The following CEP295 variants were observed in gnomAD, a reference collection of about 807,000 sequenced individuals.
CEP295 encodes the protein centrosomal protein of 295 kDa.
A neutral mutation model predicts 291.6 loss-of-function variants in CEP295; 190 were observed. The ratio of observed to expected loss-of-function variants is 0.65; its 90% CI spans 0.58 to 0.73. CEP295 has a LOEUF of 0.73. Ranked by LOEUF, CEP295 falls within the 30% of genes least tolerant of loss-of-function variation. CEP295 has a pLI of 0.00. For synonymous variants in CEP295, 993 were observed against 1,038.8 expected, an observed-to-expected ratio of 0.96 and a Z score of 0.85; for missense variants, 2,863 against 2,949.4, an observed-to-expected ratio of 0.97 and a Z score of 0.68.
chr11:93,691,646 T>G, intron 10 of CEP295, 37 bp from the exon 11 acceptor site: 2 of 1,304,854 alleles, frequency 1.5e-6, no homozygotes, highest in Middle Eastern at 2.4e-4. Context: ...TGACAATGAT[T>G]ATATATTCAA....
intron 5 of CEP295, among the ~76,000 whole-genome samples, chr11:93,673,049 A>G (rs1950524609): frequency 6.6e-6 from 1 of 152,170 alleles, no homozygotes. Context: ...TTTTCAAGGC[A>G]TTGATTTAAA....
At chr11:93,706,940 G>A (rs1439829244) in intron 18 of CEP295, 43 bp downstream of exon 18, 2 of 1,411,438 alleles carry the variant, frequency 1.4e-6, no homozygotes, top group South Asian at 2.9e-5. Flanking sequence ...ACAAGGATAT[G>A]TGGACAAAAG....
At chr11:93,689,647 T>G (rs1951418810) in intron 10 of CEP295, among the ~76,000 whole-genome samples, 1 of 152,110 alleles carries the variant, frequency 6.6e-6, no homozygotes, top group South Asian at 2.1e-4. Context: ...CTATCCCCTT[T>G]ACCCTGCTTT....
rs138290835 is a variant in CEP295 at position 93,688,593 on chromosome 11, C to T, written c.1336+728C>T. ...ACCTTCACTTGGTTTTCGTACTTTA[C>T]TATTTTCTCTTGCATTTTCTTCGCT... On this transcript the variant is annotated intron_variant, in intron 10 of 29. Coordinates refer to ENST00000325212, the MANE Select transcript of CEP295 (RefSeq NM_033395.2). Among the ~76,000 whole-genome samples, 125 of 152,152 alleles carry T rather than the reference C, an allele frequency of 8.2e-4. 2 individuals are homozygous for T. The East Asian group carries it at 0.017, about 21-fold the overall frequency.
chr11:93,721,347 G>A lies in CEP295; in HGVS notation c.5785G>A (p.Val1929Met), dbSNP rs963450654. ...GGAATCTGTTGTTGAAAATCATGCA[G>A]TGTTAAGTTATGCTGTGGAGGAAGA... is the stretch of plus-strand genomic sequence containing the variant. ...LKESVVENHA[V>M]LSYAVEEEHA... The change falls in exon 19 of 30, where the codon GTG (valine) becomes ATG (methionine). Residue 1929 changes from valine (V) to methionine (M), a missense_variant. By Grantham distance (21) the Val-to-Met change is conservative. Around this residue, in one of 3 missense-constraint regions of CEP295, gnomAD observed 2,295 missense variants for 2,335.7 expected, o/e 0.98. Coordinates refer to ENST00000325212, the MANE Select transcript of CEP295 (RefSeq NM_033395.2). 2.6e-6 allele frequency: 4 copies of A among 1,557,596 alleles called. No homozygotes were observed. The Admixed American group carries it at 5.8e-5, about 23-fold the overall frequency.
Position 93,698,054 on chromosome 11 carries a change from C to T in CEP295, c.3142C>T (p.Gln1048Ter), listed in dbSNP as rs1371787813. 6.4e-7 allele frequency: 1 copy of T among 1,551,752 alleles called. No homozygotes were observed. Among genetic ancestry groups the T allele is most frequent in the African/African-American group, 1.4e-5 (1 of 73,054 alleles). Residue 1048 changes from glutamine (Q) to a stop codon, truncating the protein, a stop_gained, in exon 15 of 30, where the codon CAG (glutamine) becomes TAG (stop). Transcript: ENST00000325212. LOFTEE classifies it high-confidence loss of function. The stretch of plus-strand genomic sequence containing the variant: ...TCAGGATGGGTCTTTGAGTTTCCTA[C>T]AGCAGTTCCTACCTCTACATGATAG... The part of the protein sequence containing the change: ...ISQDGSLSFL[Q>*]QFLPLHDSLK...
Position 93,697,440 on chromosome 11 carries a change from A to T in CEP295, c.2528A>T (p.Gln843Leu), listed in dbSNP as rs763984852. The change falls in exon 15 of 30, where the codon CAG (glutamine) becomes CTG (leucine). Residue 843 changes from glutamine to leucine, a missense_variant. Gln to Leu is a moderately radical substitution (Grantham distance 113, BLOSUM62 -2). Coordinates refer to ENST00000325212, the MANE Select transcript of CEP295 (RefSeq NM_033395.2). Reference protein sequence around the residue: ...PLLPSENITAQQGNMKALQEQ... With the variant: ...PLLPSENITALQGNMKALQEQ... ...CTGCCGTCAGAGAATATCACAGCCC[A>T]GCAAGGTAATATGAAGGCCCTCCAA... The T allele has an allele frequency of 2.4e-5, 38 of 1,552,140 alleles. No individual in the cohort carries two copies. In the South Asian group the frequency reaches 3.4e-4, roughly 14 times the overall value.
intron 7 of CEP295, among the ~76,000 whole-genome samples, chr11:93,682,270 G>A (rs1032735050): frequency 7.2e-5 from 11 of 151,852 alleles, no homozygotes; most frequent in East Asian, 5.8e-4. Flanking sequence ...GTTGCCCAGG[G>A]TAGAGTTCAG....
At chr11:93,725,418 G>A (rs1246754416) in intron 22 of CEP295, among the ~76,000 whole-genome samples, 2 of 152,130 alleles carry the variant, frequency 1.3e-5, no homozygotes, top group African/African-American at 4.8e-5. Context: ...CTCCTACACA[G>A]TCAAAGGAGC....
At chr11:93,706,648 T>C (rs1222969395) in intron 17 of CEP295, 97 bp from the exon 18 acceptor site, 4 of 1,058,960 alleles carry the variant, frequency 3.8e-6, no homozygotes, top group Admixed American at 3.1e-5. Context: ...AGTAAGTCTT[T>C]AAGAGCTTAG....
Position 93,664,659 on chromosome 11 carries a change from G to A in CEP295, c.-26-2023G>A, listed in dbSNP as rs138580593. Among the ~76,000 whole-genome samples the A allele has an allele frequency of 2.5e-3, 383 of 152,242 alleles. 3 individuals carry two copies. The highest frequency in any genetic ancestry group is 0.017 in the Middle Eastern group (5 of 292). On this transcript the variant is annotated intron_variant, in intron 1 of 29. Coordinates refer to ENST00000325212, the MANE Select transcript of CEP295 (RefSeq NM_033395.2). ...CTTACTGAAGTAACTACCTATGGGC[G>A]AGACACTGTTTTCAGGCTATGGACA...
intron 9 of CEP295, among the ~76,000 whole-genome samples, chr11:93,687,435 T>G (rs1951298266): frequency 6.6e-6 from 1 of 152,212 alleles, no homozygotes; most frequent in Non-Finnish European, 1.5e-5. Context: ...TTTTGGCACT[T>G]TTACTATTTT....
At chr11:93,675,547 A>G in intron 5 of CEP295, 24 bp from the exon 6 acceptor site, 1 of 1,304,468 alleles carries the variant, frequency 7.7e-7, no homozygotes, top group Non-Finnish European at 1.0e-6. Flanking sequence ...CTTTTAACCT[A>G]TTTTTTTATG....
In CEP295 at chr11:93,725,530, T is replaced by C. The variant is rs1954078611; in HGVS notation, c.6319-121T>C. ...AAAGAACTGGATTTGAAAAAGCAAA[T>C]CATTGCTGTCATAGTGAAGTGATAA... On this transcript the variant is annotated intron_variant, in intron 22 of 29. Coordinates refer to ENST00000325212, the MANE Select transcript of CEP295 (RefSeq NM_033395.2). 5 of 802,502 alleles carry C rather than the reference T, an allele frequency of 6.2e-6. No homozygotes were observed. The Admixed American group carries it at 1.4e-4, about 23-fold the overall frequency. 49.7% of individuals were successfully genotyped at this position (802,502 alleles called of 1,614,324 possible).
intron 18 of CEP295, among the ~76,000 whole-genome samples, chr11:93,718,037 G>A (rs530773851): frequency 1.3e-5 from 2 of 152,056 alleles, no homozygotes; most frequent in East Asian, 1.9e-4. Context: ...TCAGCCTCCC[G>A]AGTAGCTAGG....
intron 18 of CEP295, among the ~76,000 whole-genome samples, chr11:93,708,805 T>G (rs1231112709): frequency 6.6e-6 from 1 of 152,216 alleles, no homozygotes; most frequent in African/African-American, 2.4e-5. Flanking sequence ...TTGCAAAACA[T>G]TCATTATTAC....
Position 93,667,744 on chromosome 11 carries a change from G to T in CEP295, c.246G>T (p.Leu82Phe). ...CACAAACTCAGAAAATACAGAACTTGGAAAAACTGTATTTGGCAAGTTTAA... is the reference window on the plus strand; with the variant it reads ...CACAAACTCAGAAAATACAGAACTTTGAAAAACTGTATTTGGCAAGTTTAA... ...EESQTQKIQN[L>F]EKLYLASLRS... The change falls in exon 3 of 30, where the codon TTG (leucine) becomes TTT (phenylalanine). Residue 82 changes from leucine to phenylalanine, a missense_variant. Leu to Phe is a conservative substitution (Grantham distance 22). Transcript: ENST00000325212. 1 of 1,551,370 alleles carries T rather than the reference G, an allele frequency of 6.4e-7. No individual in the cohort carries two copies. The highest frequency in any genetic ancestry group is 8.7e-7 in the Non-Finnish European group (1 of 1,146,812).
chr11:93,670,264 A>G (rs2134813007), intron 5 of CEP295, among the ~76,000 whole-genome samples: 1 of 152,224 alleles, frequency 6.6e-6, no homozygotes, highest in South Asian at 2.1e-4. Flanking sequence ...AAGTTAATAA[A>G]TTTACATAAG....
At chr11:93,682,078 G>C (rs1951002874) in intron 7 of CEP295, among the ~76,000 whole-genome samples, 1 of 151,954 alleles carries the variant, frequency 6.6e-6, no homozygotes, top group Non-Finnish European at 1.5e-5. Context: ...TAGATAATTA[G>C]AATCTTAGTA....
Sources: allele counts gnomAD v4.1 joint callset (sites outside exome capture counted in the v4.1 genomes callset), GRCh38; gene constraint gnomAD v4.1.1; regional missense constraint gnomAD v4.1.1; transcripts MANE v1.5; gene names NCBI Gene and HGNC (gene_info 2026-07-23, HGNC 2026-07-21).